The following DPF3 variants were observed in gnomAD, a reference collection of about 807,000 sequenced individuals.
The protein encoded by DPF3 is double PHD fingers 3.
Under a neutral mutation model 56.8 loss-of-function variants are expected in DPF3, and 18 were observed. That is an observed-to-expected ratio of 0.32 (90% CI 0.22 to 0.47). The LOEUF (loss-of-function observed/expected upper bound fraction) is 0.47, where lower values mean the gene tolerates loss of function less well. Ranked by LOEUF, DPF3 falls within the 20% of genes least tolerant of loss-of-function variation. The pLI is 1.00. For synonymous variants in DPF3, 188 were observed against 180.2 expected, an observed-to-expected ratio of 1.04 and a Z score of -0.35; for missense variants, 403 against 488.8, an observed-to-expected ratio of 0.82 and a Z score of 1.65.
intron 1 of DPF3, among the ~76,000 whole-genome samples, chr14:72,821,133 C>CAAAAA (rs976081670): frequency 0.087 from 10,093 of 116,396 alleles, 532 homozygotes; most frequent in Admixed American, 0.18. Context: ...AACTCTATCT[C>CAAAAA]AAAAAAAAAA....
intron 1 of DPF3, among the ~76,000 whole-genome samples, chr14:72,870,969 A>G (rs1429856933): frequency 6.6e-6 from 1 of 152,184 alleles, no homozygotes; most frequent in Admixed American, 6.5e-5. Flanking sequence ...GGGAAGAAAA[A>G]GAGGTTTAAT....
In DPF3 at chr14:72,610,340, G is replaced by A. The variant is rs561305347; in HGVS notation, c.*8957C>T. On this transcript the variant is annotated 3_prime_UTR_variant, in exon 11 of 11. Transcript: ENST00000556509. Reference sequence around the variant, plus strand: ...TAGGCAGCTCATTCCCAGGGACCTGGTCATCCTTCCTACCATAGGAGCCAC... The same window carrying A: ...TAGGCAGCTCATTCCCAGGGACCTGATCATCCTTCCTACCATAGGAGCCAC... 6.6e-6 allele frequency among the ~76,000 whole-genome samples: 1 copy of A among 152,290 alleles called. No homozygotes were observed. The highest frequency in any genetic ancestry group is 2.1e-4 in the South Asian group (1 of 4,812).
chr14:72,892,080 T>C, intron 1 of DPF3: 1 of 1,353,002 alleles, frequency 7.4e-7, no homozygotes, highest in Admixed American at 2.5e-5. Context: ...TTAGAGATAC[T>C]GCGCCCGCCC....
chr14:72,838,905 A>ATT (rs1409942522), intron 1 of DPF3, among the ~76,000 whole-genome samples: 2 of 64,480 alleles, frequency 3.1e-5, no homozygotes, highest in African/African-American at 6.7e-5. Context: ...TATCATATAT[A>ATT]TTCTTTTTTT....
intron 1 of DPF3, among the ~76,000 whole-genome samples, chr14:72,866,421 C>T (rs1302411315): frequency 6.6e-6 from 1 of 150,794 alleles, no homozygotes; most frequent in Non-Finnish European, 1.5e-5. Flanking sequence ...TCCCAGTGAC[C>T]TGGCTGGTGT....
At chr14:72,721,736 A>C (rs905729050) in intron 5 of DPF3, among the ~76,000 whole-genome samples, 1 of 152,218 alleles carries the variant, frequency 6.6e-6, no homozygotes, top group Non-Finnish European at 1.5e-5. Context: ...ATGTTTGTAC[A>C]CACATACACA....
chr14:72,678,897 G>A (rs1242730684), intron 7 of DPF3, among the ~76,000 whole-genome samples: 4 of 151,582 alleles, frequency 2.6e-5, no homozygotes, highest in African/African-American at 9.7e-5. Context: ...AAAGCTCAAA[G>A]GAAAAAAAAT....
chr14:72,675,113 G>A lies in DPF3; in HGVS notation c.743-745C>T, dbSNP rs139043469. ...TGAGCATGTCTTTAGGCTTAAGACC[G>A]TCACGAATAACTGAACACACTAACT... On this transcript the variant is annotated intron_variant, in intron 7 of 10. Coordinates refer to ENST00000556509, the MANE Select transcript of DPF3 (RefSeq NM_001280542.3). 9.8e-4 allele frequency among the ~76,000 whole-genome samples: 149 copies of A among 152,310 alleles called. 3 individuals are homozygous for A. In the East Asian group the frequency reaches 0.02, roughly 20 times the overall value.
chr14:72,878,857 C>T (rs546538445), intron 1 of DPF3, among the ~76,000 whole-genome samples: 1 of 152,386 alleles, frequency 6.6e-6, no homozygotes, highest in South Asian at 2.1e-4. Flanking sequence ...TACATGCAAG[C>T]AAGGCCAAAC....
intron 8 of DPF3, among the ~76,000 whole-genome samples, chr14:72,654,169 C>T (rs984723974): frequency 6.6e-6 from 1 of 152,182 alleles, no homozygotes; most frequent in African/African-American, 2.4e-5. Context: ...TGTGGACGCT[C>T]GTAACATACC....
chr14:72,778,604 C>T (rs564379535), intron 1 of DPF3, among the ~76,000 whole-genome samples: 4 of 152,184 alleles, frequency 2.6e-5, no homozygotes, highest in Admixed American at 1.3e-4. Flanking sequence ...ATCCCCTCCC[C>T]GACCCCAGTC....
intron 1 of DPF3, among the ~76,000 whole-genome samples, chr14:72,841,598 T>A (rs1884544784): frequency 6.6e-6 from 1 of 152,106 alleles, no homozygotes; most frequent in South Asian, 2.1e-4. Flanking sequence ...AAATGAGAAA[T>A]TTTGGGAAAA....
chr14:72,650,001 C>T (rs1048243087), intron 8 of DPF3, among the ~76,000 whole-genome samples: 7 of 152,214 alleles, frequency 4.6e-5, no homozygotes, highest in African/African-American at 1.7e-4. Context: ...GAGCAAACTC[C>T]AGAGAGCACT....
At chr14:72,859,577 A>G (rs1599501757) in intron 1 of DPF3, among the ~76,000 whole-genome samples, 1 of 146,732 alleles carries the variant, frequency 6.8e-6, no homozygotes, top group South Asian at 2.2e-4. Flanking sequence ...ACCCTGGCCC[A>G]GGGGACAGAG....
intron 1 of DPF3, among the ~76,000 whole-genome samples, chr14:72,864,940 G>A (rs892995617): frequency 3.9e-5 from 6 of 152,210 alleles, no homozygotes; most frequent in Admixed American, 3.9e-4. Context: ...TATGACTCGG[G>A]ACCAAGTGTA....
At chr14:72,779,109 G>A (rs1004490942) in intron 1 of DPF3, among the ~76,000 whole-genome samples, 11 of 152,210 alleles carry the variant, frequency 7.2e-5, no homozygotes, top group Non-Finnish European at 1.0e-4. Context: ...CAGGTGCCCA[G>A]TAAGTCTCCA....
At chr14:72,620,391 G>A (rs1377508249) in intron 9 of DPF3, among the ~76,000 whole-genome samples, 1 of 152,108 alleles carries the variant, frequency 6.6e-6, no homozygotes, top group African/African-American at 2.4e-5. Context: ...AATTCTTCTG[G>A]ACTCCACTCT....
chr14:72,738,580 G>A (rs1230152517), intron 3 of DPF3, among the ~76,000 whole-genome samples: 1 of 152,138 alleles, frequency 6.6e-6, no homozygotes, highest in Non-Finnish European at 1.5e-5. Flanking sequence ...GGGTGAGACG[G>A]GGAGGGTGGT....
chr14:72,756,141 A>G (rs1252107455), intron 2 of DPF3, among the ~76,000 whole-genome samples: 9 of 152,146 alleles, frequency 5.9e-5, no homozygotes, highest in Admixed American at 2.0e-4. Context: ...GGCCAAAGAC[A>G]AGAGGGGAAA....
Sources: gnomAD v4.1 joint callset for allele counts (sites outside exome capture counted in the v4.1 genomes callset) on GRCh38, gnomAD v4.1.1 for gene constraint, MANE v1.5 for transcripts, NCBI Gene and HGNC (gene_info 2026-07-23, HGNC 2026-07-21) for gene names.